The following PARG variants were observed in gnomAD, a reference collection of about 807,000 sequenced individuals.
PARG encodes the protein poly(ADP-ribose) glycohydrolase.
PARG carries 35 observed loss-of-function variants against 113.0 expected under a neutral mutation model. The observed-to-expected ratio is 0.31, with a 90% CI of 0.24 to 0.41. The LOEUF (loss-of-function observed/expected upper bound fraction) is 0.41, where lower values mean the gene tolerates loss of function less well. Among genes scored for constraint, PARG ranks in the 10% least tolerant of loss-of-function variants. PARG has a pLI of 1.00. For missense variants in PARG, 797 were observed against 1,169.4 expected (o/e 0.68, Z 4.64); for synonymous variants, 330 against 409.9 (o/e 0.81, Z 2.36).
intron 7 of PARG, among the ~76,000 whole-genome samples, chr10:49,892,953 A>T (rs1184219489): frequency 1.3e-5 from 2 of 152,228 alleles, no homozygotes; most frequent in Non-Finnish European, 2.9e-5. Context: ...GTATGAATAC[A>T]TCCACAATTT....
At chr10:49,821,768 G>A (rs972730818) in intron 16 of PARG, among the ~76,000 whole-genome samples, 2 of 152,132 alleles carry the variant, frequency 1.3e-5, no homozygotes, top group Non-Finnish European at 2.9e-5. Flanking sequence ...CTAAGAATGG[G>A]AATGGGAAGA....
In PARG at chr10:49,931,950, A is replaced by C. The variant is rs1219862460; in HGVS notation, c.1455+150T>G. The C allele has an allele frequency of 1.3e-4, 82 of 625,250 alleles. No homozygotes were observed. In the African/African-American group the frequency reaches 1.4e-3, roughly 10 times the overall value. The allele number at this position is 625,250 out of a possible 1,614,324, so 38.7% of individuals were successfully genotyped here. ...GTTCTATACTAAGTAAGTTATCATT[A>C]TATTGCTCCATTCTGTAGAATTCTC... is the stretch of plus-strand genomic sequence containing the variant. On this transcript the variant is annotated intron_variant, in intron 4 of 17. Coordinates refer to ENST00000616448, the MANE Select transcript of PARG (RefSeq NM_003631.5).
At chr10:49,936,320 A>C (rs1838734063) in intron 1 of PARG, among the ~76,000 whole-genome samples, 1 of 152,194 alleles carries the variant, frequency 6.6e-6, no homozygotes, top group South Asian at 2.1e-4. Context: ...GACAGCCTTA[A>C]GTAGAAATAT....
chr10:49,843,404 T>C (rs1355789884), intron 14 of PARG, 150 bp downstream of exon 14: 6 of 639,898 alleles, frequency 9.4e-6, no homozygotes, highest in Non-Finnish European at 1.7e-5. Flanking sequence ...GTGTTTTCAA[T>C]GCCAATGAAC....
chr10:49,832,720 G>T, intron 16 of PARG, 83 bp downstream of exon 16: 1 of 673,320 alleles, frequency 1.5e-6, no homozygotes, highest in East Asian at 3.0e-5. Flanking sequence ...GTGGTCTCAT[G>T]ACAGGACATG....
chr10:49,891,608 T>C (rs1471430440), intron 7 of PARG, among the ~76,000 whole-genome samples: 1 of 46,212 alleles, frequency 2.2e-5, no homozygotes, highest in East Asian at 5.8e-4. Flanking sequence ...TATATATATA[T>C]ATATATATAT....
intron 17 of PARG, among the ~76,000 whole-genome samples, chr10:49,819,948 T>TTA (rs1216534693): frequency 1.9e-4 from 29 of 152,156 alleles, no homozygotes; most frequent in Admixed American, 2.6e-4. Context: ...TGACCTTACT[T>TTA]TAGTAAGCTG....
chr10:49,882,503 G>T (rs1847265520), intron 8 of PARG, among the ~76,000 whole-genome samples: 1 of 152,204 alleles, frequency 6.6e-6, no homozygotes, highest in Admixed American at 6.5e-5. Context: ...CCGTTGATAT[G>T]CTAATGGAGA....
At chr10:49,870,376 G>GA (rs1554837691) in intron 9 of PARG, among the ~76,000 whole-genome samples, 1 of 151,970 alleles carries the variant, frequency 6.6e-6, no homozygotes, top group African/African-American at 2.4e-5. Context: ...AGAACCATGA[G>GA]AAAATAAATT....
intron 7 of PARG, among the ~76,000 whole-genome samples, chr10:49,893,975 A>G (rs1263119499): frequency 1.3e-5 from 2 of 151,622 alleles, no homozygotes; most frequent in Non-Finnish European, 2.9e-5. Flanking sequence ...TGGGATTACA[A>G]GTGTGAGCCA....
intron 16 of PARG, among the ~76,000 whole-genome samples, chr10:49,823,958 C>T (rs980524414): frequency 6.6e-6 from 1 of 152,142 alleles, no homozygotes; most frequent in African/African-American, 2.4e-5. Flanking sequence ...ACCATAAGCA[C>T]GTGTTAGACT....
chr10:49,895,409 T>C (rs1421466667), intron 7 of PARG, among the ~76,000 whole-genome samples: 6 of 145,692 alleles, frequency 4.1e-5, no homozygotes, highest in African/African-American at 1.5e-4. Flanking sequence ...AACTGATATC[T>C]TTTTTTTTTT....
chr10:49,934,176 A>G lies in PARG; in HGVS notation c.285-13T>C. The G allele has an allele frequency of 1.1e-6, 1 of 944,678 alleles. No homozygotes were observed. Among genetic ancestry groups the G allele is most frequent in the Non-Finnish European group, 1.7e-6 (1 of 583,272 alleles). The allele number at this position is 944,678 out of a possible 1,614,324, so 58.5% of individuals were successfully genotyped here. On this transcript the variant is annotated splice_polypyrimidine_tract_variant and intron_variant, in intron 2 of 17. Coordinates refer to ENST00000616448, the MANE Select transcript of PARG (RefSeq NM_003631.5). ...TTTACTATCCAAACTACAAGAGAAC[A>G]GAAAGAACTAAAAACAACTTATAAT... is the stretch of plus-strand genomic sequence containing the variant.
chr10:49,897,149 T>A (rs1848127950), intron 7 of PARG, among the ~76,000 whole-genome samples: 1 of 152,196 alleles, frequency 6.6e-6, no homozygotes, highest in African/African-American at 2.4e-5. Context: ...ACCTCCTGAC[T>A]TCATTTGTAC....
intron 8 of PARG, among the ~76,000 whole-genome samples, chr10:49,883,821 A>C (rs1482369386): frequency 7.0e-6 from 1 of 143,344 alleles, no homozygotes; most frequent in Non-Finnish European, 1.6e-5. Flanking sequence ...AAAAAAAAAA[A>C]AAACAGGTGG....
intron 6 of PARG, among the ~76,000 whole-genome samples, chr10:49,921,671 G>A (rs1365740764): frequency 6.6e-6 from 1 of 151,800 alleles, no homozygotes; most frequent in Middle Eastern, 3.2e-3. Flanking sequence ...TTTCATAGAA[G>A]TATAAAAAAT....
intron 8 of PARG, among the ~76,000 whole-genome samples, chr10:49,883,373 G>A (rs569521825): frequency 1.2e-4 from 18 of 150,906 alleles, no homozygotes; most frequent in South Asian, 4.3e-4. Flanking sequence ...AGCAAGAGGC[G>A]TTGGCCCTAG....
chr10:49,910,589 C>T (rs1413531273), intron 7 of PARG, among the ~76,000 whole-genome samples: 10 of 151,934 alleles, frequency 6.6e-5, no homozygotes, highest in African/African-American at 1.7e-4. Context: ...AAGGATGAAA[C>T]GAAAGGCTTA....
chr10:49,846,413 AAAAGC>A (rs1845514180), intron 13 of PARG, among the ~76,000 whole-genome samples: 1 of 151,252 alleles, frequency 6.6e-6, no homozygotes, highest in African/African-American at 2.4e-5. Flanking sequence ...TGTGGGATAT[AAAAGC>A]ATATCAATTT....
Sources: gnomAD v4.1 joint callset for allele counts (sites outside exome capture counted in the v4.1 genomes callset) on GRCh38, gnomAD v4.1.1 for gene constraint, MANE v1.5 for transcripts, NCBI Gene and HGNC (gene_info 2026-07-23, HGNC 2026-07-21) for gene names.